Variants in GSE1 observed in about 807,000 individuals in gnomAD.
The protein encoded by GSE1 is genetic suppressor element 1.
A neutral mutation model predicts 112.6 loss-of-function variants in GSE1; 32 were observed. That is an observed-to-expected ratio of 0.28 (90% CI 0.21 to 0.38). The LOEUF (loss-of-function observed/expected upper bound fraction) is 0.38, where lower values mean the gene tolerates loss of function less well. Ranked by LOEUF, GSE1 falls within the 10% of genes least tolerant of loss-of-function variation. GSE1 has a pLI of 1.00. For synonymous variants in GSE1, 1,115 were observed against 735.6 expected (o/e 1.52, Z -8.35); for missense variants, 2,348 against 1,699.2 (o/e 1.38, Z -6.71).
intron 1 of GSE1, among the ~76,000 whole-genome samples, chr16:85,238,309 C>A (rs866454923): frequency 6.6e-6 from 1 of 152,218 alleles, no homozygotes; most frequent in African/African-American, 2.4e-5. Flanking sequence ...TCCCTCAGTG[C>A]CTGTTTGTTT....
At chr16:85,239,544 C>A (rs1441407230) in intron 1 of GSE1, among the ~76,000 whole-genome samples, 1 of 152,322 alleles carries the variant, frequency 6.6e-6, no homozygotes, top group East Asian at 1.9e-4. Context: ...GGAGCCTGGC[C>A]TCAGGATCCT....
intron 2 of GSE1, among the ~76,000 whole-genome samples, chr16:85,644,016 C>T (rs1487906098): frequency 2.0e-5 from 3 of 152,058 alleles, no homozygotes; most frequent in Non-Finnish European, 4.4e-5. Flanking sequence ...GCCGGGTGCA[C>T]AGGAGGGCTT....
intron 1 of GSE1, among the ~76,000 whole-genome samples, chr16:85,268,123 A>G (rs924887409): frequency 2.0e-5 from 3 of 152,036 alleles, no homozygotes; most frequent in Middle Eastern, 3.4e-3. Flanking sequence ...ATGCCTCTGT[A>G]TTTCGTGACA....
chr16:85,633,838 G>T (rs1429360683), intron 1 of GSE1, 76 bp from the exon 2 acceptor site: 3 of 1,157,416 alleles, frequency 2.6e-6, no homozygotes, highest in African/African-American at 3.1e-5. Context: ...TGCTGACACC[G>T]GCCCTGCCGA....
At position 85,661,301 on chromosome 16, in the gene GSE1, G is replaced by A. The variant is rs764168993; in HGVS notation, c.1796G>A (p.Arg599Gln). The stretch of plus-strand genomic sequence containing the variant: ...ATGGACAACACCTTGGAGACGCGGC[G>A]GGCCGAAAGCCACTCTCTGCACAGC... Reference protein sequence around the residue: ...SLMDNTLETRRAESHSLHSHP... With the variant: ...SLMDNTLETRQAESHSLHSHP... The change falls in exon 9 of 16, where the codon CGG becomes CAG. Residue 599 changes from arginine to glutamine, a missense_variant. By Grantham distance (43) the Arg-to-Gln change is conservative. Coordinates refer to ENST00000253458, the MANE Select transcript of GSE1 (RefSeq NM_014615.5). The A allele has an allele frequency of 1.2e-5, 19 of 1,612,836 alleles. No individual in the cohort carries two copies. Among genetic ancestry groups the A allele is most frequent in the African/African-American group, 4.0e-5 (3 of 75,064 alleles).
chr16:85,459,588 C>T (rs2049919571), intron 2 of GSE1, among the ~76,000 whole-genome samples: 1 of 152,184 alleles, frequency 6.6e-6, no homozygotes, highest in African/African-American at 2.4e-5. Flanking sequence ...CCATGCTCTG[C>T]CTGGTCCCTT....
At chr16:85,478,463 G>T (rs1240414158) in intron 2 of GSE1, among the ~76,000 whole-genome samples, 1 of 150,726 alleles carries the variant, frequency 6.6e-6, no homozygotes, top group Non-Finnish European at 1.5e-5. Context: ...GGAGGCAGAG[G>T]TTGCAGTGAG....
rs536153342 is a variant in GSE1, at chr16:85,377,619, AC to A, written c.2464+19980del. Among the ~76,000 whole-genome samples, 1,010 of 152,290 alleles carry A rather than the reference AC, an allele frequency of 6.6e-3. 9 individuals carry two copies. Among genetic ancestry groups the A allele is most frequent in the South Asian group, 0.012 (56 of 4,826 alleles). ...TAAGCAAGCGTAAGCAGCAGTTCTC[AC>A]CCCACATGCCCTGGGCAGAAGCCAC... On this transcript the variant is annotated intron_variant, in intron 2 of 2. Transcript: ENST00000637419.
rs1567555737 is a variant in GSE1 at position 85,519,543 on chromosome 16, C to CCA, written c.2465-114371_2465-114370insCA. The stretch of plus-strand genomic sequence containing the variant: ...ATCATCACCTTCACCACCATCATCA[C>CCA]TATTACCACCATCACTATCATCATC... On this transcript the variant is annotated intron_variant, in intron 2 of 2. Transcript: ENST00000637419. Among the ~76,000 whole-genome samples, 23 of 54,280 alleles carry CCA rather than the reference C, an allele frequency of 4.2e-4. 2 individuals are homozygous for CCA. Among genetic ancestry groups the CCA allele is most frequent in the South Asian group, 9.7e-4 (1 of 1,026 alleles). The allele number at this position is 54,280 out of a possible 152,430, so 35.6% of individuals were successfully genotyped here.
intron 2 of GSE1, among the ~76,000 whole-genome samples, chr16:85,543,849 C>G (rs1315260006): frequency 1.3e-5 from 2 of 152,092 alleles, no homozygotes; most frequent in African/African-American, 4.8e-5. Context: ...AAACTTGTTT[C>G]TAATTTGAGA....
At chr16:85,265,704 G>A (rs1248184720) in intron 1 of GSE1, among the ~76,000 whole-genome samples, 1 of 152,188 alleles carries the variant, frequency 6.6e-6, no homozygotes, top group East Asian at 1.9e-4. Context: ...TGGTTTTCAT[G>A]AGGGAGGAAT....
intron 2 of GSE1, among the ~76,000 whole-genome samples, chr16:85,480,879 T>C (rs2050656055): frequency 6.6e-6 from 1 of 152,140 alleles, no homozygotes. Context: ...CCTGAAATAA[T>C]ACTCCGGAGC....
At position 85,426,775 on chromosome 16, in the gene GSE1, C is replaced by G. The variant is rs554698077; in HGVS notation, c.2464+69132C>G. Among the ~76,000 whole-genome samples, 7 of 152,264 alleles carry G rather than the reference C, an allele frequency of 4.6e-5. No individual in the cohort carries two copies. The South Asian group carries it at 1.5e-3, about 32-fold the overall frequency. On this transcript the variant is annotated intron_variant, in intron 2 of 2. Coordinates refer to the GSE1 transcript ENST00000637419. ...TGAATGAACCACAGAAAAATATCCT[C>G]TTAAGCTATGTTATTTCCAGTCACT...
chr16:85,631,381 G>A (rs986519778), intron 1 of GSE1, among the ~76,000 whole-genome samples: 11 of 152,214 alleles, frequency 7.2e-5, no homozygotes, highest in South Asian at 2.1e-4. Flanking sequence ...CCCGGCCACC[G>A]GCCTTTTGGG....
chr16:85,600,236 C>T (rs1251031597), intron 1 of GSE1, among the ~76,000 whole-genome samples: 1 of 152,196 alleles, frequency 6.6e-6, no homozygotes, highest in African/African-American at 2.4e-5. Context: ...TGGGGACTTT[C>T]CCAAGGTCAC....
chr16:85,225,424 G>T (rs777539586), intron 1 of GSE1, among the ~76,000 whole-genome samples: 13 of 152,206 alleles, frequency 8.5e-5, no homozygotes, highest in Non-Finnish European at 1.8e-4. Flanking sequence ...AGGCCAGCAG[G>T]GCTGGAGCAG....
At chr16:85,484,730 G>A (rs1263914589) in intron 2 of GSE1, among the ~76,000 whole-genome samples, 1 of 152,230 alleles carries the variant, frequency 6.6e-6, no homozygotes, top group Non-Finnish European at 1.5e-5. Flanking sequence ...CTCAAAACCA[G>A]GGCCCTGGCA....
intron 15 of GSE1, chr16:85,672,039 C>G (rs142173944): frequency 8.9e-6 from 2 of 225,906 alleles, no homozygotes; most frequent in African/African-American, 2.3e-5. Flanking sequence ...CACTCTGTCA[C>G]CCAAGCTGGA....
chr16:85,657,011 G>A (rs970523471), intron 7 of GSE1, among the ~76,000 whole-genome samples: 12 of 152,228 alleles, frequency 7.9e-5, no homozygotes, highest in Non-Finnish European at 1.5e-4. Context: ...TTAATAGTCT[G>A]CTCTTTGAGC....
Sources: allele counts gnomAD v4.1 joint callset (sites outside exome capture counted in the v4.1 genomes callset), GRCh38; gene constraint gnomAD v4.1.1; transcripts MANE v1.5; gene names NCBI Gene and HGNC (gene_info 2026-07-23, HGNC 2026-07-21).